The following ATG7 variants were observed in gnomAD, a reference collection of about 807,000 sequenced individuals.
ATG7 encodes the protein autophagy related 7.
A neutral mutation model predicts 82.4 loss-of-function variants in ATG7; 70 were observed. The ratio of observed to expected loss-of-function variants is 0.85; its 90% confidence interval spans 0.70 to 1.04. The LOEUF (loss-of-function observed/expected upper bound fraction) is 1.04. Ranked by LOEUF, ATG7 falls within the 50% of genes least tolerant of loss-of-function variation. The probability of loss-of-function intolerance (pLI) is 0.00; values close to 1 mark genes in which losing one functional copy is unlikely to be tolerated. For synonymous variants in ATG7, 287 were observed against 313.0 expected (o/e 0.92, Z 0.88); for missense variants, 792 against 864.3 (o/e 0.92, Z 1.05).
the ATG7 span, among the ~76,000 whole-genome samples, chr3:11,565,889 G>A: frequency 6.6e-6 from 1 of 152,188 alleles, no homozygotes; most frequent in Non-Finnish European, 1.5e-5. This position sits in a 1 kb window ranked among gnomAD's most constrained non-coding sequence, Gnocchi z 4.1. Flanking sequence ...TATTCCAGGG[G>A]TCCCACAGTT....
chr3:11,443,263 A>G (rs1426719446), intron 20 of ATG7, among the ~76,000 whole-genome samples: 2 of 152,184 alleles, frequency 1.3e-5, no homozygotes, highest in African/African-American at 4.8e-5. Flanking sequence ...TGGCACTCCT[A>G]CTAGTCTTAA....
At position 11,488,428 on chromosome 3, in the gene ATG7, C is replaced by T. The variant is rs548522512; in HGVS notation, c.2079+61502C>T. ...CGCTGAACTCCATCCTCCCGGCGGT[C>T]GGGCAGCGGCGGCTGCGGTCGGTCG... On this transcript the variant is annotated intron_variant, in intron 20 of 20. Transcript: ENST00000693202. 6.2e-3 allele frequency: 7,683 copies of T among 1,229,974 alleles called. 50 individuals are homozygous for T. Among genetic ancestry groups the T allele is most frequent in the South Asian group, 7.4e-3 (447 of 60,308 alleles). 76.2% of individuals were successfully genotyped at this position (1,229,974 alleles called of 1,614,324 possible). A position where few individuals can be genotyped will look rare whatever the true frequency, so the allele number is the denominator to read the frequency against.
intron 20 of ATG7, among the ~76,000 whole-genome samples, chr3:11,455,831 C>G (rs1225090670): frequency 6.6e-6 from 1 of 152,186 alleles, no homozygotes; most frequent in African/African-American, 2.4e-5. Flanking sequence ...TACTCATCAA[C>G]CCCACAGATG....
At chr3:11,413,172 G>C (rs552911420) in intron 19 of ATG7, among the ~76,000 whole-genome samples, 26 of 152,208 alleles carry the variant, frequency 1.7e-4, no homozygotes, top group African/African-American at 6.0e-4. Flanking sequence ...TTCCTTGACT[G>C]ATTTCTCTGG....
chr3:11,461,052 A>G (rs1047982168), intron 20 of ATG7, among the ~76,000 whole-genome samples: 1 of 152,226 alleles, frequency 6.6e-6, no homozygotes, highest in South Asian at 2.1e-4. Context: ...GATGAATCCA[A>G]TCTACCACAA....
intron 20 of ATG7, among the ~76,000 whole-genome samples, chr3:11,527,039 ATATGTGTGTG>A (rs1412086936): frequency 1.8e-5 from 2 of 111,896 alleles, no homozygotes; most frequent in Non-Finnish European, 3.7e-5. Context: ...GTGTGTGTAT[ATATGTGTGTG>A]TGTGTGTGTG....
At chr3:11,506,391 G>T (rs1369755533) in intron 20 of ATG7, among the ~76,000 whole-genome samples, 4 of 152,176 alleles carry the variant, frequency 2.6e-5, no homozygotes, top group South Asian at 4.2e-4. Context: ...TTGGCTAGAG[G>T]TTACTGTATT....
chr3:11,570,834 C>T, the ATG7 span, among the ~76,000 whole-genome samples: 1 of 152,206 alleles, frequency 6.6e-6, no homozygotes, highest in African/African-American at 2.4e-5. Context: ...ATCCAAAGCA[C>T]CCCACAACAC....
At chr3:11,340,830 C>A in intron 12 of ATG7, 95 bp downstream of exon 12, 1 of 1,049,962 alleles carries the variant, frequency 9.5e-7, no homozygotes, top group Non-Finnish European at 1.4e-6. Flanking sequence ...GTAATTCAGC[C>A]CAGGGGGTGC....
intron 20 of ATG7, among the ~76,000 whole-genome samples, chr3:11,472,149 C>T (rs2087614776): frequency 6.6e-6 from 1 of 152,184 alleles, no homozygotes; most frequent in Non-Finnish European, 1.5e-5. Context: ...TGTATTTGTT[C>T]TTAAACCTGA....
rs143128937 is a variant in ATG7, at chr3:11,308,219, A to G, written c.334-765A>G. ...CACCCACACTTAGGGAATGATTCTT[A>G]TTAGTGCAACTGTTTTGTCTTGCTT... On this transcript the variant is annotated intron_variant, in intron 6 of 20. Coordinates refer to ENST00000693202, the MANE Select transcript of ATG7 (RefSeq NM_001349232.2). Among the ~76,000 whole-genome samples, 18 of 152,314 alleles carry G rather than the reference A, an allele frequency of 1.2e-4. No homozygotes were observed. In the East Asian group the frequency reaches 3.1e-3, roughly 26 times the overall value.
chr3:11,279,540 C>T (rs1942609009), intron 1 of ATG7, among the ~76,000 whole-genome samples: 1 of 151,988 alleles, frequency 6.6e-6, no homozygotes, highest in Admixed American at 6.5e-5. Flanking sequence ...AAAAATTAGC[C>T]AGGCATGGTG....
chr3:11,378,944 C>A (rs2077666182), intron 18 of ATG7, among the ~76,000 whole-genome samples: 1 of 151,858 alleles, frequency 6.6e-6, no homozygotes, highest in Non-Finnish European at 1.5e-5. Context: ...CTGTTCTGTT[C>A]AAGTGAGAGT....
intron 20 of ATG7, among the ~76,000 whole-genome samples, chr3:11,544,035 C>T (rs2071065216): frequency 1.3e-5 from 2 of 152,222 alleles, no homozygotes; most frequent in South Asian, 4.1e-4. Context: ...AGTCTGCCTG[C>T]TCCCTTCCCT....
chr3:11,278,105 G>A (rs1357492794), intron 1 of ATG7, among the ~76,000 whole-genome samples: 2 of 151,966 alleles, frequency 1.3e-5, no homozygotes, highest in African/African-American at 4.8e-5. Flanking sequence ...CTGTTATTCT[G>A]TTCTTTTTCA....
chr3:11,304,127 G>T (rs1947322641), intron 5 of ATG7, among the ~76,000 whole-genome samples: 1 of 152,134 alleles, frequency 6.6e-6, no homozygotes, highest in South Asian at 2.1e-4. Flanking sequence ...TATGCCTCAA[G>T]TTGGACCTAA....
chr3:11,457,440 A>G (rs1465009223), intron 20 of ATG7, among the ~76,000 whole-genome samples: 1 of 152,194 alleles, frequency 6.6e-6, no homozygotes, highest in Non-Finnish European at 1.5e-5. Context: ...ATTTCAAGTG[A>G]AAGATAACTG....
chr3:11,538,219 G>A (rs1240042441), intron 20 of ATG7, among the ~76,000 whole-genome samples: 1 of 152,222 alleles, frequency 6.6e-6, no homozygotes, highest in Non-Finnish European at 1.5e-5. Flanking sequence ...CTCGTGGCAG[G>A]CTGGGTGGCA....
At chr3:11,286,870 G>A (rs566919781) in intron 3 of ATG7, among the ~76,000 whole-genome samples, 1 of 151,800 alleles carries the variant, frequency 6.6e-6, no homozygotes, top group South Asian at 2.1e-4. Context: ...CCCCCAAAGT[G>A]CTGGGATTGC....
Sources: gnomAD v4.1 joint callset for allele counts (sites outside exome capture counted in the v4.1 genomes callset) on GRCh38, gnomAD v4.1.1 for gene constraint, Gnocchi (gnomAD v3.1) non-coding constraint, MANE v1.5 for transcripts, NCBI Gene and HGNC (gene_info 2026-07-23, HGNC 2026-07-21) for gene names.